POP1: variants seen among roughly 807,000 people sequenced by gnomAD.
The protein encoded by POP1 is POP1 ribonuclease P/MRP subunit.
In POP1, 75 loss-of-function variants were observed where a neutral mutation model predicts 102.2. That is an observed-to-expected ratio of 0.73 (90% CI 0.61 to 0.89). The LOEUF (loss-of-function observed/expected upper bound fraction) is 0.89, where lower values mean the gene tolerates loss of function less well. POP1 is among the 40% of genes least tolerant of loss of function. The probability of loss-of-function intolerance (pLI) is 0.00; values close to 1 mark genes in which losing one functional copy is unlikely to be tolerated. For missense variants in POP1, 1,116 were observed against 1,267.4 expected (o/e 0.88, Z 1.81); for synonymous variants, 436 against 464.1 (o/e 0.94, Z 0.78).
intron 3 of POP1, 139 bp downstream of exon 3, chr8:98,127,901 C>A (rs1816258825): frequency 1.1e-6 from 1 of 891,526 alleles, no homozygotes; most frequent in African/African-American, 1.7e-5. Context: ...CCCTTCTCGC[C>A]TCTAGCCTGG....
intron 13 of POP1, among the ~76,000 whole-genome samples, chr8:98,149,896 T>C (rs1407164508): frequency 2.6e-5 from 4 of 152,212 alleles, no homozygotes; most frequent in African/African-American, 9.6e-5. Flanking sequence ...GCAAGGGACA[T>C]CCAGTTAATC....
At chr8:98,136,240 T>C (rs1238583758) in intron 7 of POP1, among the ~76,000 whole-genome samples, 3 of 151,782 alleles carry the variant, frequency 2.0e-5, no homozygotes, top group Non-Finnish European at 4.4e-5. Flanking sequence ...GCCACCCAAC[T>C]ATTTTTTGTA....
At chr8:98,147,404 G>A (rs1809384413) in intron 12 of POP1, among the ~76,000 whole-genome samples, 1 of 152,206 alleles carries the variant, frequency 6.6e-6, no homozygotes, top group South Asian at 2.1e-4. Context: ...CTCTACAAGT[G>A]GATCAGGAGC....
At chr8:98,157,477 T>G in intron 15 of POP1, 140 bp from the exon 16 acceptor site, 1 of 994,304 alleles carries the variant, frequency 1.0e-6, no homozygotes, top group Non-Finnish European at 1.5e-6. Context: ...ACAGTGTATT[T>G]CTAATTTTTA....
Position 98,140,622 on chromosome 8 carries a change from A to G in POP1, c.1475-147A>G. The G allele has an allele frequency of 6.4e-6, 5 of 780,634 alleles. No homozygotes were observed. The South Asian group carries it at 6.5e-5, about 10-fold the overall frequency. The allele number at this position is 780,634 out of a possible 1,614,324, so 48.4% of individuals were successfully genotyped here. A position where few individuals can be genotyped will look rare whatever the true frequency, so the allele number is the denominator to read the frequency against. ...GAATGTTAACTTATTCTCTAAAAGT[A>G]TCAATGGGAAGAGAGGGAATACATG... On this transcript the variant is annotated intron_variant, in intron 10 of 15. Coordinates refer to ENST00000401707, the MANE Select transcript of POP1 (RefSeq NM_001145860.2).
At chr8:98,126,500 T>C (rs528961590) in intron 2 of POP1, among the ~76,000 whole-genome samples, 40 of 152,280 alleles carry the variant, frequency 2.6e-4, no homozygotes, top group African/African-American at 9.6e-4. Context: ...GATATAAATA[T>C]TTCCAAGCAC....
intron 2 of POP1, among the ~76,000 whole-genome samples, chr8:98,123,817 C>T (rs945109191): frequency 2.1e-4 from 32 of 151,836 alleles, no homozygotes; most frequent in African/African-American, 7.0e-4. Context: ...TCTCCACTCC[C>T]ATTTTGATCA....
intron 4 of POP1, 23 bp downstream of exon 4, chr8:98,128,563 A>G: frequency 1.2e-6 from 2 of 1,611,158 alleles, no homozygotes; most frequent in South Asian, 1.1e-5. Flanking sequence ...CTTAGTGTAA[A>G]TGTTTAGATT....
At chr8:98,155,736 A>G (rs1438730623) in intron 14 of POP1, among the ~76,000 whole-genome samples, 1 of 149,956 alleles carries the variant, frequency 6.7e-6, no homozygotes, top group East Asian at 2.0e-4. Context: ...ACCCTCCACC[A>G]TGCCCGGCTA....
At chr8:98,150,377 T>C in intron 13 of POP1, 108 bp from the exon 14 acceptor site, 3 of 1,181,534 alleles carry the variant, frequency 2.5e-6, no homozygotes, top group Non-Finnish European at 3.8e-6. Context: ...TTTCTATCCA[T>C]TCTCCTTTTG....
intron 14 of POP1, among the ~76,000 whole-genome samples, chr8:98,155,589 T>C (rs1809624701): frequency 6.6e-6 from 1 of 151,304 alleles, no homozygotes; most frequent in African/African-American, 2.4e-5. Context: ...GGCCTATTAT[T>C]ATTATTTTCT....
chr8:98,149,792 A>G (rs62522201), intron 13 of POP1, among the ~76,000 whole-genome samples: 50 of 116,146 alleles, frequency 4.3e-4, no homozygotes, highest in Non-Finnish European at 6.6e-4. Flanking sequence ...AAGTAAATAA[A>G]TAAATAAATA....
chr8:98,121,001 T>C (rs1321294510), intron 1 of POP1, among the ~76,000 whole-genome samples: 1 of 152,158 alleles, frequency 6.6e-6, no homozygotes, highest in East Asian at 1.9e-4. Flanking sequence ...CAGGCTGGTC[T>C]TGAACTCCTG....
intron 1 of POP1, among the ~76,000 whole-genome samples, chr8:98,118,762 G>A (rs1405092137): frequency 6.6e-6 from 1 of 151,500 alleles, no homozygotes; most frequent in Non-Finnish European, 1.5e-5. Flanking sequence ...TTCCTATTGT[G>A]CTGTACCGCA....
chr8:98,156,145 G>A lies in POP1; in HGVS notation c.2153G>A (p.Arg718Lys), dbSNP rs1586254250. Residue 718 changes from arginine (R) to lysine (K), a missense_variant, in exon 15 of 16, where the codon AGA becomes AAA. Coordinates refer to ENST00000401707, the MANE Select transcript of POP1 (RefSeq NM_001145860.2). ...WEQLTQDWESRVQAYEEPSVA... is the reference protein window; with the variant it reads ...WEQLTQDWESKVQAYEEPSVA... ...CAGTTAACTCAAGACTGGGAGTCAA[G>A]AGTCCAGGCTTACGAAGAACCTTCT... The A allele has an allele frequency of 6.2e-7, 1 of 1,614,098 alleles. No homozygotes were observed. Among genetic ancestry groups the A allele is most frequent in the East Asian group, 2.2e-5 (1 of 44,876 alleles).
chr8:98,138,847 CTT>C (rs369408285), intron 9 of POP1, among the ~76,000 whole-genome samples: 21 of 130,816 alleles, frequency 1.6e-4, no homozygotes, highest in Non-Finnish European at 1.3e-4. Context: ...GTTATGATTG[CTT>C]TTTTTTTTTT....
chr8:98,128,027 G>A (rs1203143921), intron 3 of POP1, among the ~76,000 whole-genome samples: 3 of 151,902 alleles, frequency 2.0e-5, no homozygotes, highest in Non-Finnish European at 2.9e-5. Flanking sequence ...CTTAGCCCCC[G>A]TGCCCCTCTT....
intron 3 of POP1, 118 bp from the exon 4 acceptor site, chr8:98,128,247 T>A: frequency 1.1e-6 from 1 of 922,492 alleles, no homozygotes; most frequent in Non-Finnish European, 1.7e-6. Context: ...ATATGCTTTC[T>A]GGTCTCTCTT....
chr8:98,157,518 T>A (rs1303213930), intron 15 of POP1, 99 bp from the exon 16 acceptor site: 4 of 1,391,380 alleles, frequency 2.9e-6, no homozygotes, highest in Non-Finnish European at 4.1e-6. Flanking sequence ...TTATATAGTA[T>A]AAAAGAATCA....
Sources: gnomAD v4.1 joint callset for allele counts (sites outside exome capture counted in the v4.1 genomes callset) on GRCh38, gnomAD v4.1.1 for gene constraint, MANE v1.5 for transcripts, NCBI Gene and HGNC (gene_info 2026-07-23, HGNC 2026-07-21) for gene names.